Variants in SEMA4D observed in about 807,000 individuals in gnomAD.
The protein encoded by SEMA4D is semaphorin 4D.
In SEMA4D, 22 loss-of-function variants were observed where a neutral mutation model predicts 74.8. The ratio of observed to expected loss-of-function variants is 0.29; its 90% CI spans 0.21 to 0.42. The LOEUF (loss-of-function observed/expected upper bound fraction) is 0.42, where lower values mean the gene tolerates loss of function less well. SEMA4D is among the 10% of genes least tolerant of loss of function. The probability of loss-of-function intolerance (pLI) is 1.00; values close to 1 mark genes in which losing one functional copy is unlikely to be tolerated. For missense variants in SEMA4D, 937 were observed against 1,118.4 expected, an observed-to-expected ratio of 0.84 and a Z score of 2.31; for synonymous variants, 445 against 463.7, an observed-to-expected ratio of 0.96 and a Z score of 0.52.
At chr9:89,469,167 G>A (rs1859518021) in intron 1 of SEMA4D, among the ~76,000 whole-genome samples, 1 of 140,668 alleles carries the variant, frequency 7.1e-6, no homozygotes. Context: ...CGTGCACAAA[G>A]AGTCAACAAC....
Position 89,459,540 on chromosome 9 carries a change from G to A in SEMA4D, c.-309-3587C>T, listed in dbSNP as rs1856761341. 2.0e-5 allele frequency among the ~76,000 whole-genome samples: 3 copies of A among 152,186 alleles called. No individual in the cohort carries two copies. The South Asian group carries it at 6.2e-4, about 31-fold the overall frequency. On this transcript the variant is annotated intron_variant, in intron 1 of 15. Coordinates refer to ENST00000422704, the MANE Select transcript of SEMA4D (RefSeq NM_001371194.2). ...AACAGCCTACAAGGGTGTTGGGGGGGAGTCTTATTAACATTCCTGAGGGTC... is the reference window on the plus strand; with the variant it reads ...AACAGCCTACAAGGGTGTTGGGGGGAAGTCTTATTAACATTCCTGAGGGTC...
rs566029567 is a variant in SEMA4D at position 89,428,534 on chromosome 9, C to T, written c.-243-22835G>A. On this transcript the variant is annotated intron_variant, in intron 2 of 15. Transcript: ENST00000422704. ...ACAGGAACTCAGAACCACGAGGAAC[C>T]GGCCCCTTCATCACAGGCAGGAGGA... is the stretch of plus-strand genomic sequence containing the variant. Among the ~76,000 whole-genome samples, 6 of 152,276 alleles carry T rather than the reference C, an allele frequency of 3.9e-5. No homozygotes were observed. The South Asian group carries it at 6.2e-4, about 16-fold the overall frequency.
At chr9:89,380,951 A>C in intron 15 of SEMA4D, 104 bp downstream of exon 15, 1 of 1,391,868 alleles carries the variant, frequency 7.2e-7, no homozygotes, top group South Asian at 1.2e-5. Flanking sequence ...CGAGTGGAGA[A>C]AGAAAAACAA....
At chr9:89,450,286 G>T in intron 2 of SEMA4D, 1 of 932,582 alleles carries the variant, frequency 1.1e-6, no homozygotes, top group South Asian at 1.3e-5. Context: ...GCAGGAGAGA[G>T]AACCACTATG....
At chr9:89,457,786 C>A (rs1856292155) in intron 1 of SEMA4D, among the ~76,000 whole-genome samples, 1 of 151,920 alleles carries the variant, frequency 6.6e-6, no homozygotes, top group African/African-American at 2.4e-5. Context: ...GTAATCCCAG[C>A]CCTTTGGGAG....
chr9:89,398,885 G>A (rs1265894084), intron 5 of SEMA4D, among the ~76,000 whole-genome samples: 9 of 152,202 alleles, frequency 5.9e-5, no homozygotes, highest in Admixed American at 5.9e-4. Flanking sequence ...AAAACTGCAT[G>A]ACTAGCAACT....
Position 89,362,256 on chromosome 9 carries a change from G to C in SEMA4D, c.*146C>G, listed in dbSNP as rs533431297. The C allele has an allele frequency of 8.2e-5, 113 of 1,378,310 alleles. No individual in the cohort carries two copies. The African/African-American group carries it at 1.3e-3, about 15-fold the overall frequency. 85.4% of individuals were successfully genotyped at this position (1,378,310 alleles called of 1,614,324 possible). A position where few individuals can be genotyped will look rare whatever the true frequency, so the allele number is the denominator to read the frequency against. On this transcript the variant is annotated 3_prime_UTR_variant, in exon 19 of 19. Transcript: ENST00000339861. ...ACTGTCCCGCCTCTGCCCATCAGGT[G>C]GTGGCCCAATGGCTGTGTTCAGAGC...
chr9:89,427,760 T>G (rs1038331714), intron 2 of SEMA4D, among the ~76,000 whole-genome samples: 1 of 152,060 alleles, frequency 6.6e-6, no homozygotes, highest in Non-Finnish European at 1.5e-5. Flanking sequence ...CTACAGCATG[T>G]GGGGGTTCTC....
At chr9:89,412,831 G>A (rs1474866713) in intron 2 of SEMA4D, among the ~76,000 whole-genome samples, 1 of 150,922 alleles carries the variant, frequency 6.6e-6, no homozygotes, top group Admixed American at 6.6e-5. Context: ...ACACTGGAGG[G>A]TTTTTTTTTC....
intron 3 of SEMA4D, among the ~76,000 whole-genome samples, chr9:89,403,402 A>G (rs1842614703): frequency 6.6e-6 from 1 of 152,194 alleles, no homozygotes; most frequent in Admixed American, 6.5e-5. Flanking sequence ...TCTGGTCTAC[A>G]TGCCTTGTCA....
chr9:89,449,088 G>T (rs1853681266), intron 2 of SEMA4D, among the ~76,000 whole-genome samples: 1 of 152,212 alleles, frequency 6.6e-6, no homozygotes, highest in Non-Finnish European at 1.5e-5. Context: ...CACAAGCCCG[G>T]ATAGCACGGG....
rs553847054 is a variant in SEMA4D, at chr9:89,479,759, C to G, written c.-310+18160G>C. 22 of 162,478 alleles carry G rather than the reference C, an allele frequency of 1.4e-4. No individual in the cohort carries two copies. In the South Asian group the frequency reaches 3.4e-3, roughly 25 times the overall value. 10.1% of individuals were successfully genotyped at this position (162,478 alleles called of 1,614,324 possible). On this transcript the variant is annotated intron_variant, in intron 1 of 15. Coordinates refer to ENST00000422704, the MANE Select transcript of SEMA4D (RefSeq NM_001371194.2). ...GGTGGGCTCGTGGTCTCGCTGGGCT[C>G]AGGAGTGAAGCTGCAGATCTTCGCG...
intron 2 of SEMA4D, among the ~76,000 whole-genome samples, chr9:89,442,154 CACATCTTCA>C (rs756696924): frequency 0.073 from 11,073 of 152,128 alleles, 606 homozygotes; most frequent in East Asian, 0.29. Flanking sequence ...TGGCCCAGGA[CACATCTTCA>C]GGCCAGAGAC....
At chr9:89,374,732 G>C (rs1284607594), downstream of SEMA4D, among the ~76,000 whole-genome samples, 1 of 152,172 alleles carries the variant, frequency 6.6e-6, no homozygotes, top group African/African-American at 2.4e-5. Context: ...CTAGCTACAG[G>C]GGGTACACCT....
chr9:89,463,656 C>T (rs540821924), intron 1 of SEMA4D, among the ~76,000 whole-genome samples: 105 of 152,316 alleles, frequency 6.9e-4, no homozygotes, highest in African/African-American at 2.4e-3. Context: ...AAATGGTGGG[C>T]CGGGCATGGT....
chr9:89,422,962 A>G (rs1460939122), intron 2 of SEMA4D, among the ~76,000 whole-genome samples: 1 of 109,876 alleles, frequency 9.1e-6, no homozygotes, highest in Non-Finnish European at 2.4e-5. Flanking sequence ...ACTGTCAGCA[A>G]TGTGTCAGCA....
chr9:89,413,715 GTGTA>G (rs1215831161), intron 2 of SEMA4D, among the ~76,000 whole-genome samples: 1 of 152,240 alleles, frequency 6.6e-6, no homozygotes, highest in Non-Finnish European at 1.5e-5. Flanking sequence ...ATGGGCATCT[GTGTA>G]TGTGTGTGTA....
At position 89,364,277 on chromosome 9, in the gene SEMA4D, G is replaced by A. The variant is rs1009105535; in HGVS notation, c.1883-327C>T. On this transcript the variant is annotated intron_variant, in intron 16 of 18. Transcript: ENST00000339861. Reference sequence around the variant, plus strand: ...CAGAATGGTTCTGGGCCTTGGAACAGCATCCCACCCCACCATGGCCCTGCT... The same window carrying A: ...CAGAATGGTTCTGGGCCTTGGAACAACATCCCACCCCACCATGGCCCTGCT... 8 of 408,968 alleles carry A rather than the reference G, an allele frequency of 2.0e-5. No homozygotes were observed. In the East Asian group the frequency reaches 3.9e-4, roughly 20 times the overall value. 25.3% of individuals were successfully genotyped at this position (408,968 alleles called of 1,614,324 possible).
rs115958592 is a variant in SEMA4D, at chr9:89,398,029, C to T, written c.316-1194G>A. Among the ~76,000 whole-genome samples, 1,106 of 152,222 alleles carry T rather than the reference C, an allele frequency of 7.3e-3. 14 individuals carry two copies. The highest frequency in any genetic ancestry group is 0.024 in the African/African-American group (1,015 of 41,538). On this transcript the variant is annotated intron_variant, in intron 5 of 15. Coordinates refer to ENST00000422704, the MANE Select transcript of SEMA4D (RefSeq NM_001371194.2). ...AAAGTCCCAGTGATAGAGAAAGGAGCCAGAGAAAGTCTAGGCAGACAGGGG... is the reference window on the plus strand; with the variant it reads ...AAAGTCCCAGTGATAGAGAAAGGAGTCAGAGAAAGTCTAGGCAGACAGGGG...
Sources: allele counts gnomAD v4.1 joint callset (sites outside exome capture counted in the v4.1 genomes callset), GRCh38; gene constraint gnomAD v4.1.1; transcripts MANE v1.5; gene names NCBI Gene and HGNC (gene_info 2026-07-23, HGNC 2026-07-21).